Variants in GUF1 observed in about 807,000 individuals in gnomAD.
GUF1 encodes translation factor GUF1, mitochondrial.
Under a neutral mutation model 82.4 loss-of-function variants are expected in GUF1, and 78 were observed. The ratio of observed to expected loss-of-function variants is 0.95; its 90% CI spans 0.79 to 1.14. The LOEUF is 1.14. GUF1 is among the 50% of genes most tolerant of loss of function. The pLI is 0.00. For synonymous variants in GUF1, 279 were observed against 282.3 expected, an observed-to-expected ratio of 0.99 and a Z score of 0.12; for missense variants, 814 against 798.2, an observed-to-expected ratio of 1.02 and a Z score of -0.24.
intron 4 of GUF1, 80 bp from the exon 5 acceptor site, chr4:44,682,254 T>A: frequency 1.5e-6 from 1 of 656,202 alleles, no homozygotes; most frequent in Non-Finnish European, 2.5e-6. Context: ...GATGAAGATG[T>A]ATAGAATGGT....
chr4:44,683,361 CAAG>C, intron 6 of GUF1, 43 bp downstream of exon 6: 3 of 1,140,622 alleles, frequency 2.6e-6, no homozygotes, highest in Non-Finnish European at 3.8e-6. Flanking sequence ...AAAAAAGTCT[CAAG>C]TAATTGGGCT....
Position 44,685,986 on chromosome 4 carries a change from G to C in GUF1, c.697G>C (p.Glu233Gln), listed in dbSNP as rs777023097. 7 of 1,606,534 alleles carry C rather than the reference G, an allele frequency of 4.4e-6. No individual in the cohort carries two copies. The highest frequency in any genetic ancestry group is 6.0e-6 in the Non-Finnish European group (7 of 1,174,422). Residue 233 changes from glutamate to glutamine, a missense_variant, in exon 7 of 17, where the codon GAG (glutamate) becomes CAG (glutamine). Physicochemically the swap from Glu to Gln is conservative, Grantham distance 29. Transcript: ENST00000281543. ...KISAKLGTNVESVLQAIIERI... is the reference protein window; with the variant it reads ...KISAKLGTNVQSVLQAIIERI... ...TTCTGCTAAACTTGGAACAAATGTT[G>C]AGAGTGTTCTTCAGGCAATTATTGA... is the stretch of plus-strand genomic sequence containing the variant.
At position 44,700,806 on chromosome 4, in the gene GUF1, A is replaced by G. The variant is rs1313770023; in HGVS notation, c.*2125A>G. The G allele has an allele frequency of 1.3e-5, 2 of 152,206 alleles. No homozygotes were observed. The highest frequency in any genetic ancestry group is 3.9e-4 in the East Asian group (2 of 5,190). 9.4% of individuals were successfully genotyped at this position (152,206 alleles called of 1,614,324 possible). On this transcript the variant is annotated 3_prime_UTR_variant, in exon 17 of 17. Transcript: ENST00000281543. ...CTGTGATATAGTCCTAGATACATACATTATCATCTTATGTATCTTCCCTCC... is the reference window on the plus strand; with the variant it reads ...CTGTGATATAGTCCTAGATACATACGTTATCATCTTATGTATCTTCCCTCC...
chr4:44,698,994 C>T lies in GUF1; in HGVS notation c.*313C>T, dbSNP rs751259643. 7.5e-5 allele frequency: 16 copies of T among 211,964 alleles called. No individual in the cohort carries two copies. Among genetic ancestry groups the T allele is most frequent in the Admixed American group, 2.3e-4 (4 of 17,754 alleles). The allele number at this position is 211,964 out of a possible 1,614,324, so 13.1% of individuals were successfully genotyped here. A position where few individuals can be genotyped will look rare whatever the true frequency, so the allele number is the denominator to read the frequency against. ...GTTGTGAAGATTAAATGAGGTAATA[C>T]GTTAAATATTCAGAGGTGCAAGACA... On this transcript the variant is annotated 3_prime_UTR_variant, in exon 17 of 17. Transcript: ENST00000281543.
At chr4:44,691,994 A>C (rs752829929) in intron 13 of GUF1, among the ~76,000 whole-genome samples, 195 bp downstream of exon 13, 9 of 151,850 alleles carry the variant, frequency 5.9e-5, no homozygotes, top group Non-Finnish European at 1.0e-4. Flanking sequence ...TATAGGAGAA[A>C]AGTTTCCTTT....
At chr4:44,691,563 T>C in intron 12 of GUF1, 103 bp from the exon 13 acceptor site, 1 of 814,390 alleles carries the variant, frequency 1.2e-6, no homozygotes. Context: ...CTCTGGATTA[T>C]AAATACTGCC....
At position 44,678,592 on chromosome 4, in the gene GUF1, A is replaced by T. The variant is rs779882287; in HGVS notation, c.-31A>T. The stretch of plus-strand genomic sequence containing the variant: ...GGCTATGCTGCTGTTGCGTGTGGGT[A>T]CCCTCTCCTGACGCCTCCGCCGCCC... On this transcript the variant is annotated 5_prime_UTR_variant, in exon 1 of 17. Transcript: ENST00000281543. The T allele has an allele frequency of 2.8e-6, 4 of 1,436,058 alleles. No homozygotes were observed. The African/African-American group carries it at 6.0e-5, about 22-fold the overall frequency. The allele number at this position is 1,436,058 out of a possible 1,614,324, so 89.0% of individuals were successfully genotyped here. A position where few individuals can be genotyped will look rare whatever the true frequency, so the allele number is the denominator to read the frequency against.
At chr4:44,681,291 G>T (rs1714760250) in intron 4 of GUF1, 88 bp downstream of exon 4, 2 of 939,980 alleles carry the variant, frequency 2.1e-6, no homozygotes, top group Non-Finnish European at 1.7e-6. Context: ...TTTGGAAATA[G>T]AATTTTTGTG....
chr4:44,691,833 C>T, intron 13 of GUF1, 34 bp downstream of exon 13: 1 of 1,504,092 alleles, frequency 6.6e-7, no homozygotes. Flanking sequence ...GATGCCTGAC[C>T]AACTTTTTTG....
chr4:44,687,965 A>T (rs767004358), intron 8 of GUF1, 42 bp from the exon 9 acceptor site: 2 of 1,557,080 alleles, frequency 1.3e-6, no homozygotes. Flanking sequence ...TGTGCTTGAA[A>T]CATTAAAGCA....
chr4:44,688,236 G>A, intron 9 of GUF1, 90 bp downstream of exon 9: 1 of 1,277,020 alleles, frequency 7.8e-7, no homozygotes, highest in Non-Finnish European at 1.1e-6. Context: ...TACACATTCT[G>A]GTTATTTTAA....
chr4:44,689,890 T>A lies in GUF1; in HGVS notation c.1250T>A (p.Leu417Gln), dbSNP rs115306084. ...LLHMEVFNQR[L>Q]EQEYNASVIL... ...CACATGGAAGTTTTCAACCAGCGAC[T>A]GGAGCAAGAATATAATGCTTCTGTT... Residue 417 changes from leucine to glutamine, a missense_variant, in exon 11 of 17, where the codon CTG becomes CAG. Coordinates refer to ENST00000281543, the MANE Select transcript of GUF1 (RefSeq NM_021927.3). 159 of 1,606,342 alleles carry A rather than the reference T, an allele frequency of 9.9e-5. 1 individual carries two copies. In the East Asian group the frequency reaches 3.0e-3, roughly 31 times the overall value.
intron 4 of GUF1, among the ~76,000 whole-genome samples, 179 bp downstream of exon 4, chr4:44,681,382 G>A (rs577201652): frequency 6.6e-6 from 1 of 152,036 alleles, no homozygotes; most frequent in South Asian, 2.1e-4. Flanking sequence ...TTACAATAAA[G>A]CATTCTCTGG....
chr4:44,680,614 CTTAAATT>C lies in GUF1; in HGVS notation c.277+67_278-69del, dbSNP rs141407906. 286 of 1,429,606 alleles carry C rather than the reference CTTAAATT, an allele frequency of 2.0e-4. 1 individual carries two copies. In the African/African-American group the frequency reaches 3.6e-3, roughly 18 times the overall value. The allele number at this position is 1,429,606 out of a possible 1,614,324, so 88.6% of individuals were successfully genotyped here. On this transcript the variant is annotated intron_variant, in intron 2 of 16. Coordinates refer to ENST00000281543, the MANE Select transcript of GUF1 (RefSeq NM_021927.3). The stretch of plus-strand genomic sequence containing the variant: ...CGAGTTATTGGGAATTACTTTTACT[CTTAAATT>C]TTAATTTTATAAGTAATATTCTCTT...
At position 44,681,212 on chromosome 4, in the gene GUF1, T is replaced by A. The variant is rs1340641019; in HGVS notation, c.507+9T>A. 6.3e-7 allele frequency: 1 copy of A among 1,595,834 alleles called. No individual in the cohort carries two copies. The highest frequency in any genetic ancestry group is 1.7e-5 in the Admixed American group (1 of 59,982). On this transcript the variant is annotated intron_variant, in intron 4 of 16. Coordinates refer to ENST00000281543, the MANE Select transcript of GUF1 (RefSeq NM_021927.3). Reference sequence around the variant, plus strand: ...TGGTTGATGCAAATGAGGTAGGTATTTTTCATTTTGTATGATGTGATATGA... The same window carrying A: ...TGGTTGATGCAAATGAGGTAGGTATATTTCATTTTGTATGATGTGATATGA...
Position 44,683,284 on chromosome 4 carries a change from A to T in GUF1, c.635A>T (p.Lys212Ile). The change falls in exon 6 of 17, where the codon AAA becomes ATA. Residue 212 changes from lysine to isoleucine, a missense_variant. Physicochemically the swap from Lys to Ile is moderately radical, Grantham distance 102. Transcript: ENST00000281543. ...GAAAGGGTTGAAAACCAAATTGAGA[A>T]AGTGTTTGATATTCCAAGTGATGAA... The part of the protein sequence containing the change: ...DPERVENQIE[K>I]VFDIPSDECI... 6.3e-7 allele frequency: 1 copy of T among 1,587,478 alleles called. No individual in the cohort carries two copies.
intron 7 of GUF1, 26 bp from the exon 8 acceptor site, chr4:44,686,484 A>G (rs1715056924): frequency 2.1e-6 from 3 of 1,396,156 alleles, no homozygotes; most frequent in Non-Finnish European, 1.0e-6. Context: ...GTGTATATAT[A>G]TTTACTTTTT....
chr4:44,690,282 A>G lies in GUF1; in HGVS notation c.1335+307A>G, dbSNP rs892726807. On this transcript the variant is annotated intron_variant, in intron 11 of 16. Transcript: ENST00000281543. The stretch of plus-strand genomic sequence containing the variant: ...GTAGTGAAAATAATGTTCTGATTCT[A>G]GCACAAAGATGAAAAATGTAATTTT... Among the ~76,000 whole-genome samples the G allele has an allele frequency of 3.9e-5, 6 of 152,026 alleles. No individual in the cohort carries two copies. The South Asian group carries it at 1.2e-3, about 31-fold the overall frequency.
chr4:44,689,836 C>T lies in GUF1; in HGVS notation c.1203-7C>T, dbSNP rs1715312293. ...AACATTTTGGAGTTTGTCTTTTCCT[C>T]CCCCAGGCTAGGATTTCTTGGACTT... On this transcript the variant is annotated splice_region_variant and splice_polypyrimidine_tract_variant and intron_variant, in intron 10 of 16. Coordinates refer to ENST00000281543, the MANE Select transcript of GUF1 (RefSeq NM_021927.3). 6.3e-7 allele frequency: 1 copy of T among 1,592,122 alleles called. No individual in the cohort carries two copies. The highest frequency in any genetic ancestry group is 2.2e-5 in the East Asian group (1 of 44,500).
Sources: allele counts gnomAD v4.1 joint callset (sites outside exome capture counted in the v4.1 genomes callset), GRCh38; gene constraint gnomAD v4.1.1; transcripts MANE v1.5; gene names NCBI Gene and HGNC (gene_info 2026-07-23, HGNC 2026-07-21).